The following IL15RA variants were observed in gnomAD, a reference collection of about 807,000 sequenced individuals.
IL15RA encodes interleukin-15 receptor subunit alpha.
In IL15RA, 26 loss-of-function variants were observed where a neutral mutation model predicts 24.2. The ratio of observed to expected loss-of-function variants is 1.07; its 90% CI spans 0.79 to 1.49. IL15RA has a LOEUF of 1.49. IL15RA is among the 40% of genes most tolerant of loss of function. The pLI is 0.00. For missense variants in IL15RA, 354 were observed against 356.4 expected, an observed-to-expected ratio of 0.99 and a Z score of 0.05; for synonymous variants, 166 against 157.6, an observed-to-expected ratio of 1.05 and a Z score of -0.40.
chr10:5,953,211 A>C lies in IL15RA; in HGVS notation c.693-5T>G. On this transcript the variant is annotated splice_region_variant and splice_polypyrimidine_tract_variant and intron_variant, in intron 6 of 6. Transcript: ENST00000379977. The surrounding 1 kb of genome is among the most constrained non-coding windows in gnomAD (Gnocchi z 5.3). ...CTGGCCAGCGGGGGAGTTTGCCTGC[A>C]AAGCAGGTGGTTCATAGGTTTTGAA... 1 of 1,609,476 alleles carries C rather than the reference A, an allele frequency of 6.2e-7. No individual in the cohort carries two copies. The highest frequency in any genetic ancestry group is 8.5e-7 in the Non-Finnish European group (1 of 1,175,716).
At chr10:5,957,289 T>G (rs1471142658) in intron 5 of IL15RA, among the ~76,000 whole-genome samples, 2 of 152,002 alleles carry the variant, frequency 1.3e-5, no homozygotes, top group Admixed American at 1.3e-4. Flanking sequence ...TCTTTCTTTC[T>G]TTTTGAGATG....
Position 5,953,417 on chromosome 10 carries a change from T to G in IL15RA, c.693-211A>C. 1 of 701,768 alleles carries G rather than the reference T, an allele frequency of 1.4e-6. No individual in the cohort carries two copies. Among genetic ancestry groups the G allele is most frequent in the Non-Finnish European group, 2.6e-6 (1 of 381,796 alleles). 43.5% of individuals were successfully genotyped at this position (701,768 alleles called of 1,614,324 possible). On this transcript the variant is annotated intron_variant, in intron 6 of 6. Transcript: ENST00000379977. The surrounding 1 kb of genome is among the most constrained non-coding windows in gnomAD (Gnocchi z 5.3). Reference sequence around the variant, plus strand: ...TCTACCGAGTGTATTAAATCCTATCTAGGGGCCAGGTGTGGTGGCGCATGC... The same window carrying G: ...TCTACCGAGTGTATTAAATCCTATCGAGGGGCCAGGTGTGGTGGCGCATGC...
Position 5,975,019 on chromosome 10 carries a change from CA to C in IL15RA, c.88+2385del, listed in dbSNP as rs34573843. Among the ~76,000 whole-genome samples, 267 of 144,276 alleles carry C rather than the reference CA, an allele frequency of 1.9e-3. 2 individuals carry two copies. Among genetic ancestry groups the C allele is most frequent in the African/African-American group, 5.3e-3 (208 of 39,014 alleles). 94.7% of individuals were successfully genotyped at this position (144,276 alleles called of 152,430 possible). On this transcript the variant is annotated intron_variant, in intron 1 of 6. Transcript: ENST00000379977. This position sits in a 1 kb window ranked among gnomAD's most constrained non-coding sequence, Gnocchi z 4.8. ...GGGAAACAATGGTGTGACATTGTTT[CA>C]AAAAAAAAAAAATTAAACATACACC...
In IL15RA at chr10:5,953,140, G is replaced by A. The variant is rs1427045505; in HGVS notation, c.759C>T (p.Thr253=). ...AMEALPVTWG[T]SSRDEDLENC... is the part of the protein sequence containing the mutation. ...TTTCCAAGTCTTCATCTCTGCTGCT[G>A]GTCCCCCAAGTCACCGGCAGAGCCT... Residue 253 remains threonine, a synonymous_variant, in exon 7 of 7, where the codon ACC becomes ACT. Coordinates refer to ENST00000379977, the MANE Select transcript of IL15RA (RefSeq NM_002189.4). This position sits in a 1 kb window ranked among gnomAD's most constrained non-coding sequence, Gnocchi z 5.3. 26 of 1,614,210 alleles carry A rather than the reference G, an allele frequency of 1.6e-5. No homozygotes were observed. Among genetic ancestry groups the A allele is most frequent in the Non-Finnish European group, 2.2e-5 (26 of 1,180,004 alleles).
At chr10:5,956,097 C>T (rs1322100737) in intron 6 of IL15RA, among the ~76,000 whole-genome samples, 7 of 152,150 alleles carry the variant, frequency 4.6e-5, no homozygotes, top group Admixed American at 4.6e-4. Context: ...TCACTGCAAC[C>T]TCCGCCTCCC....
At chr10:5,969,451 C>T (rs1409873079) in intron 1 of IL15RA, among the ~76,000 whole-genome samples, 3 of 152,142 alleles carry the variant, frequency 2.0e-5, no homozygotes, top group Non-Finnish European at 1.5e-5. Flanking sequence ...TAGCTCACTG[C>T]AGCCTCAGCT....
In IL15RA at chr10:5,960,784, G is replaced by C. The variant is rs182138490; in HGVS notation, c.383-217C>G. Among the ~76,000 whole-genome samples the C allele has an allele frequency of 6.6e-6, 1 of 152,140 alleles. No homozygotes were observed. The highest frequency in any genetic ancestry group is 6.5e-5 in the Admixed American group (1 of 15,278). ...AAGAACATGGCTACTATCACGGCAC[G>C]TATAAAGAAAAGATCAGCCAGACAC... On this transcript the variant is annotated intron_variant, in intron 3 of 6. Coordinates refer to ENST00000379977, the MANE Select transcript of IL15RA (RefSeq NM_002189.4). The surrounding 1 kb of genome is among the most constrained non-coding windows in gnomAD (Gnocchi z 5.1).
At chr10:5,969,545 A>AT (rs552505542) in intron 1 of IL15RA, among the ~76,000 whole-genome samples, 1 of 151,788 alleles carries the variant, frequency 6.6e-6, no homozygotes, top group Admixed American at 6.6e-5. Context: ...GCTAGTTATT[A>AT]TTTTTTTAAT....
At chr10:5,976,759 T>A (rs1266451928) in intron 1 of IL15RA, among the ~76,000 whole-genome samples, 1 of 152,028 alleles carries the variant, frequency 6.6e-6, no homozygotes, top group East Asian at 1.9e-4. Flanking sequence ...TCCCCCTTTT[T>A]CTGCGAGTGT....
rs1272863509 is a variant in IL15RA, at chr10:5,963,086, T to C, written c.382+657A>G. Among the ~76,000 whole-genome samples the C allele has an allele frequency of 1.3e-5, 2 of 152,332 alleles. No individual in the cohort carries two copies. Among genetic ancestry groups the C allele is most frequent in the South Asian group, 2.1e-4 (1 of 4,822 alleles). On this transcript the variant is annotated intron_variant, in intron 3 of 6. Transcript: ENST00000379977. This position sits in a 1 kb window ranked among gnomAD's most constrained non-coding sequence, Gnocchi z 5.3. ...AGGTCTCTCACATTTTTGCACATCT[T>C]GCAGACAGAGGAGCTGATGGCCCTT...
chr10:5,969,784 T>C (rs2132613588), intron 1 of IL15RA, among the ~76,000 whole-genome samples: 1 of 152,248 alleles, frequency 6.6e-6, no homozygotes, highest in East Asian at 1.9e-4. Flanking sequence ...TAATATTGAG[T>C]CTTCTTAAAA....
At position 5,959,773 on chromosome 10, in the gene IL15RA, C is replaced by T; in HGVS notation, c.597G>A (p.Gln199=). 1 of 1,613,974 alleles carries T rather than the reference C, an allele frequency of 6.2e-7. No homozygotes were observed. Among genetic ancestry groups the T allele is most frequent in the East Asian group, 2.2e-5 (1 of 44,884 alleles). Reference sequence around the variant, plus strand: ...ACTTACCAGTGGTGTCGCTGTGGCCCTGTGGATACACACCTGCGGAAAAGA... The same window carrying T: ...ACTTACCAGTGGTGTCGCTGTGGCCTTGTGGATACACACCTGCGGAAAAGA... ...ASHQPPGVYP[Q]GHSDTTVAIS... The change falls in exon 5 of 7, where the codon CAG becomes CAA. Residue 199 remains glutamine, a synonymous_variant. Transcript: ENST00000379977. This position sits in a 1 kb window ranked among gnomAD's most constrained non-coding sequence, Gnocchi z 4.1.
downstream of IL15RA, among the ~76,000 whole-genome samples, chr10:5,949,606 G>A (rs41294015): frequency 0.081 from 12,322 of 152,144 alleles, 570 homozygotes; most frequent in Admixed American, 0.12. This position sits in a 1 kb window ranked among gnomAD's most constrained non-coding sequence, Gnocchi z 4.4. Flanking sequence ...GGGGAACAGG[G>A]GGGTGAGCAG....
rs146345628 is a variant in IL15RA, at chr10:5,960,073, G to A, written c.584-287C>T. On this transcript the variant is annotated intron_variant, in intron 4 of 6. Transcript: ENST00000379977. This position sits in a 1 kb window ranked among gnomAD's most constrained non-coding sequence, Gnocchi z 5.1. The stretch of plus-strand genomic sequence containing the variant: ...GCAGCTTCACCACCTCCTACTGCAG[G>A]AGGGCACAGATGCCACTCCCAGCTG... Among the ~76,000 whole-genome samples, 2 of 152,286 alleles carry A rather than the reference G, an allele frequency of 1.3e-5. No homozygotes were observed. The highest frequency in any genetic ancestry group is 2.9e-5 in the Non-Finnish European group (2 of 68,028).
At position 5,953,157 on chromosome 10, in the gene IL15RA, G is replaced by T. The variant is rs967744015; in HGVS notation, c.742C>A (p.Pro248Thr). The T allele has an allele frequency of 6.2e-7, 1 of 1,614,094 alleles. No homozygotes were observed. The highest frequency in any genetic ancestry group is 1.7e-5 in the Admixed American group (1 of 60,006). The change falls in exon 7 of 7, where the codon CCG becomes ACG. Residue 248 changes from proline to threonine, a missense_variant. By Grantham distance (38) the Pro-to-Thr change is conservative. Transcript: ENST00000379977. The surrounding 1 kb of genome is among the most constrained non-coding windows in gnomAD (Gnocchi z 5.3). The part of the protein sequence containing the change: ...SVEMEAMEAL[P>T]VTWGTSSRDE... ...CTGCTGCTGGTCCCCCAAGTCACCG[G>T]CAGAGCCTCCATGGCTTCCATTTCA...
intron 1 of IL15RA, among the ~76,000 whole-genome samples, chr10:5,974,989 A>G (rs1295163268): frequency 6.6e-6 from 1 of 151,786 alleles, no homozygotes; most frequent in African/African-American, 2.4e-5. Flanking sequence ...ACTGCACTCC[A>G]GCTTGGGAAA....
In IL15RA at chr10:5,958,362, AT is replaced by A; in HGVS notation, c.616+1391del. On this transcript the variant is annotated intron_variant, in intron 5 of 6. Coordinates refer to ENST00000379977, the MANE Select transcript of IL15RA (RefSeq NM_002189.4). The surrounding 1 kb of genome is among the most constrained non-coding windows in gnomAD (Gnocchi z 4.3). Reference sequence around the variant, plus strand: ...AGTGTTGCTTCCTTCCTGCAAGGGGATTTTTGAGTTAGAAATGGGATTTGCT... The same window carrying A: ...AGTGTTGCTTCCTTCCTGCAAGGGGATTTTGAGTTAGAAATGGGATTTGCT... 2 of 444,086 alleles carry A rather than the reference AT, an allele frequency of 4.5e-6. No homozygotes were observed. Among genetic ancestry groups the A allele is most frequent in the Admixed American group, 2.5e-5 (1 of 39,910 alleles). 27.5% of individuals were successfully genotyped at this position (444,086 alleles called of 1,614,324 possible). A position where few individuals can be genotyped will look rare whatever the true frequency, so the allele number is the denominator to read the frequency against.
At chr10:5,951,363 G>A (rs1833866765), downstream of IL15RA, among the ~76,000 whole-genome samples, 1 of 152,008 alleles carries the variant, frequency 6.6e-6, no homozygotes, top group South Asian at 2.1e-4. Context: ...ATGGCACTTT[G>A]AGAATGTCTG....
At chr10:5,956,307 G>T in intron 6 of IL15RA, 72 bp downstream of exon 6, 2 of 1,232,806 alleles carry the variant, frequency 1.6e-6, no homozygotes, top group Non-Finnish European at 2.4e-6. Flanking sequence ...GAGCTACCGC[G>T]CCCGGCCAGG....
Sources: allele counts gnomAD v4.1 joint callset (sites outside exome capture counted in the v4.1 genomes callset), GRCh38; gene constraint gnomAD v4.1.1; non-coding constraint Gnocchi (gnomAD v3.1); transcripts MANE v1.5; gene names NCBI Gene and HGNC (gene_info 2026-07-23, HGNC 2026-07-21).